DIAPH3: variants seen among roughly 807,000 people sequenced by gnomAD.
DIAPH3 encodes the protein diaphanous related formin 3, also known as protein diaphanous homolog 3.
DIAPH3 carries 117 observed loss-of-function variants against 144.3 expected under a neutral mutation model. That is an observed-to-expected ratio of 0.81 (90% confidence interval 0.70 to 0.95). The LOEUF (loss-of-function observed/expected upper bound fraction) is 0.95. Among genes scored for constraint, DIAPH3 ranks in the 40% least tolerant of loss-of-function variants. The probability of loss-of-function intolerance (pLI) is 0.00; values close to 1 mark genes in which losing one functional copy is unlikely to be tolerated. For synonymous variants in DIAPH3, 519 were observed against 488.9 expected (o/e 1.06, Z -0.81); for missense variants, 1,421 against 1,412.7 (o/e 1.01, Z -0.09).
At chr13:60,065,401 A>C (rs1223970865) in intron 4 of DIAPH3, among the ~76,000 whole-genome samples, 3 of 152,072 alleles carry the variant, frequency 2.0e-5, no homozygotes, top group Non-Finnish European at 4.4e-5. Flanking sequence ...ATCTGATCTT[A>C]TGTTGCACTT....
chr13:60,146,723 T>C (rs555818114), intron 1 of DIAPH3, among the ~76,000 whole-genome samples: 368 of 152,330 alleles, frequency 2.4e-3, no homozygotes, highest in Non-Finnish European at 3.9e-3. Flanking sequence ...ACTTCAGCAA[T>C]GATTTAAGCA....
intron 18 of DIAPH3, among the ~76,000 whole-genome samples, chr13:59,917,137 TTTCTAGA>T (rs775591698): frequency 1.3e-5 from 2 of 152,184 alleles, no homozygotes; most frequent in African/African-American, 4.8e-5. Context: ...GGTATGTGTA[TTTCTAGA>T]TAAAGAAACT....
At chr13:60,014,797 T>C (rs184460135) in intron 7 of DIAPH3, among the ~76,000 whole-genome samples, 2 of 152,122 alleles carry the variant, frequency 1.3e-5, no homozygotes, top group South Asian at 4.1e-4. Context: ...ACACCTATCA[T>C]CACTTCACAC....
intron 4 of DIAPH3, among the ~76,000 whole-genome samples, chr13:60,076,040 A>C (rs1382433253): frequency 2.0e-5 from 3 of 152,242 alleles, no homozygotes; most frequent in African/African-American, 7.2e-5. Flanking sequence ...AGTCACAGTC[A>C]ATGCCTTCTG....
chr13:59,682,872 A>G (rs1472849769), intron 27 of DIAPH3, among the ~76,000 whole-genome samples: 2 of 152,066 alleles, frequency 1.3e-5, no homozygotes, highest in African/African-American at 4.8e-5. Context: ...CCTGCCTCAT[A>G]CTCAAGTCTA....
rs544871934 is a variant in DIAPH3 at position 59,671,404 on chromosome 13, T to G, written c.3320-4558A>C. 3.3e-5 allele frequency among the ~76,000 whole-genome samples: 5 copies of G among 152,350 alleles called. No homozygotes were observed. In the East Asian group the frequency reaches 9.6e-4, roughly 29 times the overall value. On this transcript the variant is annotated intron_variant, in intron 27 of 27. Coordinates refer to ENST00000400324, the MANE Select transcript of DIAPH3 (RefSeq NM_001042517.2). ...CTCAACTCTTCACCATACACACTTT[T>G]AAATGGAAACTAAAAATATTAAGGC...
At chr13:60,070,759 A>G (rs1327909296) in intron 4 of DIAPH3, among the ~76,000 whole-genome samples, 1 of 152,156 alleles carries the variant, frequency 6.6e-6, no homozygotes, top group African/African-American at 2.4e-5. Flanking sequence ...AGTTTGATAC[A>G]CTGCGGCTTT....
At chr13:59,685,527 C>G (rs7330937) in intron 27 of DIAPH3, among the ~76,000 whole-genome samples, 16,438 of 152,088 alleles carry the variant, frequency 0.11, 1,301 homozygotes, top group African/African-American at 0.21. Context: ...TTGTTTATCT[C>G]CATTTCCCAA....
At position 59,974,366 on chromosome 13, in the gene DIAPH3, C is replaced by T. The variant is rs762809019; in HGVS notation, c.1636G>A (p.Ala546Thr). 14 of 1,612,250 alleles carry T rather than the reference C, an allele frequency of 8.7e-6. No homozygotes were observed. The Admixed American group carries it at 1.0e-4, about 12-fold the overall frequency. The change falls in exon 15 of 28, where the codon GCT (alanine) becomes ACT (threonine). Residue 546 changes from alanine to threonine, a missense_variant. Transcript: ENST00000400324. ...KINELQAELQ[A>T]FKSQFGALPA... Reference sequence around the variant, plus strand: ...TGGAATTTTACCTGAGACTTAAAAGCTTGTAGCTCTGCTTGAAGCTCATTA... The same window carrying T: ...TGGAATTTTACCTGAGACTTAAAAGTTTGTAGCTCTGCTTGAAGCTCATTA...
chr13:60,075,583 C>T (rs1343520146), intron 4 of DIAPH3, among the ~76,000 whole-genome samples: 2 of 152,078 alleles, frequency 1.3e-5, no homozygotes, highest in African/African-American at 4.8e-5. Flanking sequence ...GTTTTTCTTT[C>T]TCAAGAGACA....
intron 27 of DIAPH3, among the ~76,000 whole-genome samples, chr13:59,735,142 C>T (rs568705313): frequency 1.3e-5 from 2 of 151,740 alleles, no homozygotes; most frequent in African/African-American, 4.8e-5. Flanking sequence ...AATGTCATTA[C>T]AAAAATGAAA....
intron 3 of DIAPH3, among the ~76,000 whole-genome samples, chr13:60,106,701 C>A (rs1566779550): frequency 1.3e-5 from 2 of 151,876 alleles, no homozygotes; most frequent in South Asian, 2.1e-4. Context: ...TCTCAAACAA[C>A]AAAATGGGCA....
chr13:60,078,466 C>T (rs981067442), intron 4 of DIAPH3, among the ~76,000 whole-genome samples: 1 of 152,014 alleles, frequency 6.6e-6, no homozygotes, highest in African/African-American at 2.4e-5. Context: ...TGCATGTTTG[C>T]ACATGATCCC....
In DIAPH3 at chr13:59,942,970, T is replaced by C. The variant is rs555287731; in HGVS notation, c.2075-18100A>G. ...TATTAATGAGCATTTAAGTTGTTTA[T>C]AAATCTTTGCTATCAATATTACTAA... On this transcript the variant is annotated intron_variant, in intron 17 of 27. Coordinates refer to ENST00000400324, the MANE Select transcript of DIAPH3 (RefSeq NM_001042517.2). Among the ~76,000 whole-genome samples the C allele has an allele frequency of 1.3e-4, 20 of 152,330 alleles. No individual in the cohort carries two copies. The East Asian group carries it at 2.7e-3, about 21-fold the overall frequency.
chr13:59,758,044 A>G (rs958982535), intron 27 of DIAPH3, among the ~76,000 whole-genome samples: 1 of 152,212 alleles, frequency 6.6e-6, no homozygotes. Flanking sequence ...TATTATCCAT[A>G]GAAGAAATGC....
intron 22 of DIAPH3, among the ~76,000 whole-genome samples, chr13:59,859,573 T>G (rs2043455041): frequency 6.6e-6 from 1 of 152,110 alleles, no homozygotes; most frequent in African/African-American, 2.4e-5. Flanking sequence ...GGAAAAAAAC[T>G]CCCGGTGTAT....
At chr13:60,063,664 C>T (rs762222192) in intron 4 of DIAPH3, among the ~76,000 whole-genome samples, 8 of 152,218 alleles carry the variant, frequency 5.3e-5, no homozygotes, top group Middle Eastern at 3.4e-3. Context: ...CAGTGGCTAA[C>T]GCCTGTAATC....
chr13:60,026,840 T>C (rs1480344584), intron 5 of DIAPH3, among the ~76,000 whole-genome samples: 1 of 152,218 alleles, frequency 6.6e-6, no homozygotes, highest in African/African-American at 2.4e-5. Context: ...GATCTTATCT[T>C]TTTTGTAATA....
intron 27 of DIAPH3, among the ~76,000 whole-genome samples, chr13:59,696,410 G>GCCAT (rs1441272445): frequency 7.2e-5 from 11 of 152,316 alleles, no homozygotes; most frequent in African/African-American, 2.6e-4. Flanking sequence ...TGGAGACAAT[G>GCCAT]CCATGTTCTC....
Sources: gnomAD v4.1 joint callset for allele counts (sites outside exome capture counted in the v4.1 genomes callset) on GRCh38, gnomAD v4.1.1 for gene constraint, MANE v1.5 for transcripts, NCBI Gene and HGNC (gene_info 2026-07-23, HGNC 2026-07-21) for gene names.